Variants in UIMC1 observed in about 807,000 individuals in gnomAD.
UIMC1 encodes ubiquitin interaction motif containing 1.
Under a neutral mutation model 84.9 loss-of-function variants are expected in UIMC1, and 42 were observed. That is an observed-to-expected ratio of 0.49 (90% CI 0.39 to 0.64). The LOEUF is 0.64. Among genes scored for constraint, UIMC1 ranks in the 30% least tolerant of loss-of-function variants. The pLI is 0.00. For missense variants in UIMC1, 825 were observed against 847.6 expected (o/e 0.97, Z 0.33); for synonymous variants, 281 against 293.0 (o/e 0.96, Z 0.42).
In UIMC1 at chr5:176,942,438, C is replaced by T. The variant is rs146768178; in HGVS notation, c.1597+897G>A. On this transcript the variant is annotated intron_variant, in intron 10 of 14. Transcript: ENST00000511320. ...ACCTATGTAAAAGAATAAGTTAATA[C>T]GTTAAAAGATGGGCCAGGTGCAGGC... Among the ~76,000 whole-genome samples, 532 of 152,080 alleles carry T rather than the reference C, an allele frequency of 3.5e-3. 5 individuals carry two copies. Among genetic ancestry groups the T allele is most frequent in the African/African-American group, 0.012 (515 of 41,504 alleles).
At chr5:177,017,671 C>CTTTTTTTTTTTT (rs570344600) in intron 1 of UIMC1, among the ~76,000 whole-genome samples, 1 of 138,178 alleles carries the variant, frequency 7.2e-6, no homozygotes. Flanking sequence ...CACGCTGGCC[C>CTTTTTTTTTTTT]TTTTTTTTTT....
chr5:176,916,318 G>C (rs1760972956), intron 10 of UIMC1, among the ~76,000 whole-genome samples: 1 of 152,238 alleles, frequency 6.6e-6, no homozygotes, highest in African/African-American at 2.4e-5. Context: ...AAAGCTGAGA[G>C]AGACAACACT....
In UIMC1 at chr5:176,923,197, T is replaced by C. The variant is rs549122778; in HGVS notation, c.1598-11808A>G. Among the ~76,000 whole-genome samples, 277 of 152,360 alleles carry C rather than the reference T, an allele frequency of 1.8e-3. 1 individual carries two copies. The highest frequency in any genetic ancestry group is 6.6e-3 in the African/African-American group (273 of 41,580). The stretch of plus-strand genomic sequence containing the variant: ...ATTAGAATAAGATTATCAAGCCTAG[T>C]ACCTGAGAGAACAAGAGATTGTCAG... On this transcript the variant is annotated intron_variant, in intron 10 of 14. Transcript: ENST00000511320.
chr5:176,955,210 AT>A (rs1335836737), intron 8 of UIMC1, among the ~76,000 whole-genome samples: 2 of 152,226 alleles, frequency 1.3e-5, no homozygotes, highest in Admixed American at 6.5e-5. Flanking sequence ...ATTATTTTGT[AT>A]ATCTAAATCT....
intron 10 of UIMC1, among the ~76,000 whole-genome samples, chr5:176,915,793 C>CAAAAAAAAAAAAAAAAA (rs58297107): frequency 9.4e-5 from 4 of 42,656 alleles, no homozygotes; most frequent in Non-Finnish European, 1.9e-4. Flanking sequence ...GGTCACAAAG[C>CAAAAAAAAAAAAAAAAA]AAAAAAAAAA....
At chr5:176,944,123 G>A (rs774150614) in intron 9 of UIMC1, among the ~76,000 whole-genome samples, 2 of 152,286 alleles carry the variant, frequency 1.3e-5, no homozygotes, top group African/African-American at 4.8e-5. Context: ...AAACAAAAGA[G>A]CTCTAAGCCA....
intron 10 of UIMC1, among the ~76,000 whole-genome samples, chr5:176,913,282 T>A (rs527652576): frequency 1.3e-5 from 2 of 152,300 alleles, no homozygotes; most frequent in Admixed American, 1.3e-4. Flanking sequence ...ACCCTCCAGA[T>A]TGGTATTATT....
In UIMC1 at chr5:176,936,509, C is replaced by T. The variant is rs147809183; in HGVS notation, c.1597+6826G>A. Among the ~76,000 whole-genome samples the T allele has an allele frequency of 6.2e-4, 95 of 152,288 alleles. 1 individual carries two copies. The highest frequency in any genetic ancestry group is 2.2e-3 in the African/African-American group (90 of 41,562). ...AGTGATCCTTTGCTTAAATATTATTCTTTGCTCAAGTCCCTCCAGTGGTTC... is the reference window on the plus strand; with the variant it reads ...AGTGATCCTTTGCTTAAATATTATTTTTTGCTCAAGTCCCTCCAGTGGTTC... On this transcript the variant is annotated intron_variant, in intron 10 of 14. Coordinates refer to ENST00000511320, the MANE Select transcript of UIMC1 (RefSeq NM_001199298.2).
intron 1 of UIMC1, among the ~76,000 whole-genome samples, chr5:177,015,430 C>T (rs1157517728): frequency 6.6e-6 from 1 of 152,202 alleles, no homozygotes; most frequent in East Asian, 1.9e-4. Flanking sequence ...CTATCTGTTG[C>T]AGCTGGACTC....
At chr5:176,991,212 T>C (rs1561900988) in intron 1 of UIMC1, among the ~76,000 whole-genome samples, 1 of 151,778 alleles carries the variant, frequency 6.6e-6, no homozygotes, top group Non-Finnish European at 1.5e-5. Context: ...GGTTTCATCG[T>C]GTTAGCCAAG....
At chr5:176,919,576 C>G (rs1761445907) in intron 10 of UIMC1, among the ~76,000 whole-genome samples, 1 of 152,096 alleles carries the variant, frequency 6.6e-6, no homozygotes, top group African/African-American at 2.4e-5. Context: ...GCCTCAGCCT[C>G]CCAAGTAGAT....
intron 2 of UIMC1, among the ~76,000 whole-genome samples, chr5:176,976,458 A>G (rs1004978553): frequency 2.6e-5 from 4 of 152,232 alleles, no homozygotes; most frequent in Admixed American, 6.5e-5. Flanking sequence ...CAAAACCACA[A>G]TAAGGTATCA....
At position 176,906,191 on chromosome 5, in the gene UIMC1, A is replaced by G. The variant is rs76978794; in HGVS notation, c.1913-144T>C. On this transcript the variant is annotated intron_variant, in intron 13 of 14. Transcript: ENST00000511320. Reference sequence around the variant, plus strand: ...CACAGATCCCCAATCCCCTAAACCCACAGACGGTGAGCATTAGTGTCCAAC... The same window carrying G: ...CACAGATCCCCAATCCCCTAAACCCGCAGACGGTGAGCATTAGTGTCCAAC... 544 of 694,972 alleles carry G rather than the reference A, an allele frequency of 7.8e-4. 13 individuals are homozygous for G. In the East Asian group the frequency reaches 0.015, roughly 19 times the overall value. 43.1% of individuals were successfully genotyped at this position (694,972 alleles called of 1,614,324 possible). A position where few individuals can be genotyped will look rare whatever the true frequency, so the allele number is the denominator to read the frequency against.
chr5:176,970,832 G>A lies in UIMC1; in HGVS notation c.267C>T (p.Leu89=), dbSNP rs774227520. The A allele has an allele frequency of 1.9e-6, 3 of 1,614,006 alleles. No individual in the cohort carries two copies. The East Asian group carries it at 6.7e-5, about 36-fold the overall frequency. ...MTEEEQFALA[L]KMSEQEAREV... ...CCCTAGCTTCCTGCTCACTCATTTT[G>A]AGAGCCAGAGCAAACTGTTCTTCTT... Residue 89 remains leucine (L), a synonymous_variant, in exon 4 of 15, where the codon CTC becomes CTT. Coordinates refer to ENST00000511320, the MANE Select transcript of UIMC1 (RefSeq NM_001199298.2).
chr5:176,957,426 T>C (rs1766741758), intron 7 of UIMC1, among the ~76,000 whole-genome samples: 2 of 152,182 alleles, frequency 1.3e-5, no homozygotes, highest in Non-Finnish European at 2.9e-5. Flanking sequence ...AGTTTATAAT[T>C]AATCAACTGC....
At chr5:176,973,589 AAAAAG>A (rs767566208) in intron 3 of UIMC1, among the ~76,000 whole-genome samples, 169 of 151,478 alleles carry the variant, frequency 1.1e-3, no homozygotes, top group Non-Finnish European at 1.9e-3. Flanking sequence ...CAAAAAAAAA[AAAAAG>A]AAAAGAAAAA....
chr5:176,916,812 C>T (rs908701152), intron 10 of UIMC1, among the ~76,000 whole-genome samples: 1 of 152,262 alleles, frequency 6.6e-6, no homozygotes, highest in South Asian at 2.1e-4. Context: ...GGTTTCCATA[C>T]TAAATTTTAC....
chr5:176,905,833 G>A, intron 14 of UIMC1, 178 bp downstream of exon 14: 1 of 673,796 alleles, frequency 1.5e-6, no homozygotes, highest in Non-Finnish European at 2.5e-6. Context: ...AATGAATTGA[G>A]TTATCCAATC....
chr5:176,921,373 T>C (rs1761687477), intron 10 of UIMC1, among the ~76,000 whole-genome samples: 1 of 152,230 alleles, frequency 6.6e-6, no homozygotes, highest in Non-Finnish European at 1.5e-5. Flanking sequence ...TCCATCAGCA[T>C]ACAAATATGC....
Sources: gnomAD v4.1 joint callset for allele counts (sites outside exome capture counted in the v4.1 genomes callset) on GRCh38, gnomAD v4.1.1 for gene constraint, MANE v1.5 for transcripts, NCBI Gene and HGNC (gene_info 2026-07-23, HGNC 2026-07-21) for gene names.